The following NDST4 variants were observed in gnomAD, a reference collection of about 807,000 sequenced individuals.
NDST4 encodes N-deacetylase and N-sulfotransferase 4.
A neutral mutation model predicts 100.8 loss-of-function variants in NDST4; 63 were observed. The observed-to-expected ratio is 0.62, with a 90% CI of 0.51 to 0.77. The LOEUF (loss-of-function observed/expected upper bound fraction) is 0.77. Ranked by LOEUF, NDST4 falls within the 30% of genes least tolerant of loss-of-function variation. The pLI, the probability that NDST4 is intolerant of heterozygous loss-of-function variation, is 0.00. For synonymous variants in NDST4, 377 were observed against 361.8 expected (o/e 1.04, Z -0.48); for missense variants, 943 against 1,018.4 (o/e 0.93, Z 1.01).
At chr4:115,033,795 T>C (rs1010135870) in intron 2 of NDST4, among the ~76,000 whole-genome samples, 4 of 118,262 alleles carry the variant, frequency 3.4e-5, no homozygotes, top group Non-Finnish European at 6.8e-5. Flanking sequence ...TTTTATTTCT[T>C]CTGTAATAAA....
chr4:114,967,417 A>G (rs1726407525), intron 4 of NDST4, among the ~76,000 whole-genome samples: 1 of 152,202 alleles, frequency 6.6e-6, no homozygotes, highest in African/African-American at 2.4e-5. Flanking sequence ...GACTCTAAAT[A>G]GCTTTCAACA....
At chr4:115,066,481 A>G (rs1728949775) in intron 2 of NDST4, among the ~76,000 whole-genome samples, 1 of 152,162 alleles carries the variant, frequency 6.6e-6, no homozygotes, top group Admixed American at 6.6e-5. Flanking sequence ...CTGTACAGTA[A>G]CTGTCCTCTT....
At chr4:114,849,820 A>G (rs747849610) in intron 8 of NDST4, among the ~76,000 whole-genome samples, 9 of 152,270 alleles carry the variant, frequency 5.9e-5, no homozygotes, top group Non-Finnish European at 8.8e-5. Flanking sequence ...GAACTAAATT[A>G]GAGTCTTAAA....
intron 6 of NDST4, 114 bp from the exon 7 acceptor site, chr4:114,871,064 G>A (rs1724138626): frequency 1.6e-6 from 1 of 629,324 alleles, no homozygotes. Flanking sequence ...GAAGTACAAT[G>A]ATCTTTTTAA....
intron 6 of NDST4, among the ~76,000 whole-genome samples, chr4:114,929,800 A>G (rs1380024035): frequency 6.6e-5 from 10 of 151,468 alleles, no homozygotes; most frequent in Admixed American, 6.6e-4. Flanking sequence ...ATTATGCTCT[A>G]TGAGGGGTAT....
chr4:114,996,620 T>C (rs1026304187), intron 2 of NDST4, among the ~76,000 whole-genome samples: 3 of 151,906 alleles, frequency 2.0e-5, no homozygotes, highest in Non-Finnish European at 4.4e-5. Context: ...TCAAGCCAAG[T>C]CCCCCTCCTT....
intron 2 of NDST4, among the ~76,000 whole-genome samples, chr4:115,033,157 ATTT>A (rs1192796806): frequency 0.012 from 693 of 59,918 alleles, 13 homozygotes; most frequent in African/African-American, 0.038. Flanking sequence ...ATATATATAT[ATTT>A]TTTTTTTTTT....
intron 1 of NDST4, among the ~76,000 whole-genome samples, chr4:115,090,616 A>T (rs1247706042): frequency 6.6e-6 from 1 of 152,086 alleles, no homozygotes; most frequent in East Asian, 1.9e-4. Flanking sequence ...AGGAGAAAAT[A>T]AAAAATTTGA....
intron 2 of NDST4, among the ~76,000 whole-genome samples, chr4:115,052,534 GACAGTA>G (rs1303882244): frequency 6.6e-6 from 1 of 152,004 alleles, no homozygotes; most frequent in African/African-American, 2.4e-5. Flanking sequence ...TTGTTCTCCT[GACAGTA>G]AATAGGTCTC....
chr4:114,894,820 G>A (rs1724678171), intron 6 of NDST4, among the ~76,000 whole-genome samples: 1 of 152,070 alleles, frequency 6.6e-6, no homozygotes, highest in Admixed American at 6.5e-5. Flanking sequence ...TCTTTTACCG[G>A]TTTTTAAAGG....
At chr4:114,972,699 T>G (rs970047543) in intron 3 of NDST4, among the ~76,000 whole-genome samples, 1 of 152,022 alleles carries the variant, frequency 6.6e-6, no homozygotes, top group Non-Finnish European at 1.5e-5. Flanking sequence ...TCTCCCACCC[T>G]CCTGGAATTG....
chr4:115,024,295 T>C (rs890115131), intron 2 of NDST4, among the ~76,000 whole-genome samples: 1 of 152,134 alleles, frequency 6.6e-6, no homozygotes, highest in Non-Finnish European at 1.5e-5. Flanking sequence ...AGCTTCATTC[T>C]GGGAAAGCTG....
At chr4:115,033,016 T>C (rs1260195634) in intron 2 of NDST4, among the ~76,000 whole-genome samples, 3 of 151,364 alleles carry the variant, frequency 2.0e-5, no homozygotes, top group Non-Finnish European at 4.4e-5. Flanking sequence ...TAATATTTTA[T>C]CTTTTATTTT....
intron 6 of NDST4, 184 bp downstream of exon 6, chr4:114,935,022 A>C (rs1725597199): frequency 2.9e-6 from 1 of 348,554 alleles, no homozygotes; most frequent in Admixed American, 5.0e-5. Context: ...AATGAAATCT[A>C]CTGAAAAATC....
At chr4:114,949,834 A>C (rs924275613) in intron 4 of NDST4, among the ~76,000 whole-genome samples, 1 of 152,080 alleles carries the variant, frequency 6.6e-6, no homozygotes, top group South Asian at 2.1e-4. Context: ...TTGAGTAAGC[A>C]AGAAAGTAAA....
At chr4:115,056,334 C>A (rs1728693754) in intron 2 of NDST4, among the ~76,000 whole-genome samples, 2 of 152,040 alleles carry the variant, frequency 1.3e-5, no homozygotes, top group South Asian at 2.1e-4. Flanking sequence ...CAGGGTGAGA[C>A]CCTGTCTCAA....
At chr4:115,004,899 C>G (rs1024496879) in intron 2 of NDST4, among the ~76,000 whole-genome samples, 1 of 152,140 alleles carries the variant, frequency 6.6e-6, no homozygotes, top group African/African-American at 2.4e-5. Flanking sequence ...CAGGTGAACA[C>G]ACAGGAGTTT....
At chr4:114,938,618 A>T (rs1725684151) in intron 4 of NDST4, among the ~76,000 whole-genome samples, 1 of 152,216 alleles carries the variant, frequency 6.6e-6, no homozygotes, top group South Asian at 2.1e-4. Context: ...GACAATTGCC[A>T]TTTATATTTT....
At chr4:115,000,628 G>C (rs936810147) in intron 2 of NDST4, among the ~76,000 whole-genome samples, 1 of 152,038 alleles carries the variant, frequency 6.6e-6, no homozygotes, top group South Asian at 2.1e-4. Context: ...CATAATCCTT[G>C]ATATGACACT....
Sources: allele counts gnomAD v4.1 joint callset (sites outside exome capture counted in the v4.1 genomes callset), GRCh38; gene constraint gnomAD v4.1.1; transcripts MANE v1.5; gene names NCBI Gene and HGNC (gene_info 2026-07-23, HGNC 2026-07-21).